The following PCDHA1 variants were observed in gnomAD, a reference collection of about 807,000 sequenced individuals.
PCDHA1 encodes the protein protocadherin alpha-1.
PCDHA1 carries 42 observed loss-of-function variants against 61.3 expected under a neutral mutation model. The observed-to-expected ratio is 0.69, with a 90% CI of 0.54 to 0.89. PCDHA1 has a LOEUF of 0.89. Ranked by LOEUF, PCDHA1 falls within the 40% of genes least tolerant of loss-of-function variation. The probability of loss-of-function intolerance (pLI) is 0.00; values close to 1 mark genes in which losing one functional copy is unlikely to be tolerated. For missense variants in PCDHA1, 1,256 were observed against 1,235.3 expected (o/e 1.02, Z -0.25); for synonymous variants, 610 against 553.8 (o/e 1.10, Z -1.43).
At chr5:140,833,827 G>C (rs2150211606) in intron 1 of PCDHA1, among the ~76,000 whole-genome samples, 3 of 152,222 alleles carry the variant, frequency 2.0e-5, no homozygotes, top group African/African-American at 7.2e-5. Flanking sequence ...GTCCCTAAAA[G>C]AGTACAGGAT....
At chr5:140,890,890 T>C (rs2062844225) in intron 1 of PCDHA1, among the ~76,000 whole-genome samples, 1 of 152,192 alleles carries the variant, frequency 6.6e-6, no homozygotes, top group South Asian at 2.1e-4. Context: ...TCAGGGATTA[T>C]TGTCTTTCCA....
rs149795080 is a variant in PCDHA1 at position 140,995,000 on chromosome 5, T to C, written c.2542+12437T>C. Among the ~76,000 whole-genome samples the C allele has an allele frequency of 1.7e-3, 261 of 152,326 alleles. 1 individual carries two copies. The highest frequency in any genetic ancestry group is 6.1e-3 in the African/African-American group (253 of 41,578). ...GAGACCCACTAGAAGGTTAGTTGGTTTGTTTATATTTAGGAAAGAAGATTC... is the reference window on the plus strand; with the variant it reads ...GAGACCCACTAGAAGGTTAGTTGGTCTGTTTATATTTAGGAAAGAAGATTC... On this transcript the variant is annotated intron_variant, in intron 3 of 3. Transcript: ENST00000504120.
intron 1 of PCDHA1, among the ~76,000 whole-genome samples, chr5:140,905,945 T>C (rs2072222090): frequency 6.6e-6 from 1 of 152,150 alleles, no homozygotes; most frequent in Non-Finnish European, 1.5e-5. Flanking sequence ...GAACTTGGAA[T>C]CCGATGTTCA....
chr5:140,978,978 C>T lies in PCDHA1; in HGVS notation c.2424C>T (p.Tyr808=). Residue 808 remains tyrosine (Y), a synonymous_variant, in exon 2 of 4, where the codon TAC becomes TAT. Coordinates refer to ENST00000504120, the MANE Select transcript of PCDHA1 (RefSeq NM_018900.4). ...NPRQPNPDWR[Y]SASLRAGMHS... ...GACAGCCCAACCCTGACTGGCGTTA[C>T]TCTGCCTCCCTGAGAGCAGGCATGC... 1 of 1,614,204 alleles carries T rather than the reference C, an allele frequency of 6.2e-7. No homozygotes were observed. The highest frequency in any genetic ancestry group is 8.5e-7 in the Non-Finnish European group (1 of 1,180,030).
intron 1 of PCDHA1, among the ~76,000 whole-genome samples, chr5:140,922,237 G>A (rs2080732766): frequency 6.6e-6 from 1 of 152,156 alleles, no homozygotes; most frequent in Non-Finnish European, 1.5e-5. Flanking sequence ...ACCATGATGT[G>A]TATGAAGATA....
At chr5:140,883,398 G>A (rs1421475221) in intron 1 of PCDHA1, 1 of 1,614,166 alleles carries the variant, frequency 6.2e-7, no homozygotes, top group Non-Finnish European at 8.5e-7. Flanking sequence ...GTGTCCGATC[G>A]TGACTCTGGC....
intron 1 of PCDHA1, chr5:140,836,388 CTGG>C (rs2150259594): frequency 6.8e-6 from 11 of 1,613,628 alleles, no homozygotes; most frequent in Non-Finnish European, 9.3e-6. Context: ...GCTGGTGTCG[CTGG>C]TGGAAAGCGG....
chr5:140,873,888 T>C (rs1225763068), intron 1 of PCDHA1, among the ~76,000 whole-genome samples: 2 of 152,232 alleles, frequency 1.3e-5, no homozygotes, highest in African/African-American at 4.8e-5. Flanking sequence ...CTTGAACTCC[T>C]GACCTCAGGT....
intron 3 of PCDHA1, among the ~76,000 whole-genome samples, chr5:140,994,912 A>G (rs2097655532): frequency 6.6e-6 from 1 of 152,222 alleles, no homozygotes; most frequent in Admixed American, 6.5e-5. Flanking sequence ...GTAGACTGGA[A>G]TCAGATTTTG....
chr5:140,887,291 T>G (rs2153419358), intron 1 of PCDHA1, among the ~76,000 whole-genome samples: 1 of 152,074 alleles, frequency 6.6e-6, no homozygotes, highest in South Asian at 2.1e-4. Flanking sequence ...AGAGATGGGG[T>G]TTCATCTTGT....
At chr5:140,829,528 G>T (rs1554132046) in intron 1 of PCDHA1, 12 of 1,613,294 alleles carry the variant, frequency 7.4e-6, no homozygotes, top group Non-Finnish European at 1.0e-5. Flanking sequence ...CGGTGTCTGC[G>T]CGAGACGCGG....
chr5:140,867,042 G>T lies in PCDHA1; in HGVS notation c.2394+78358G>T, dbSNP rs782113838. Reference sequence around the variant, plus strand: ...ATATCAAACTCTTTTATGACTTGGCGTTTGTTCAGTACTACTTTATATATT... The same window carrying T: ...ATATCAAACTCTTTTATGACTTGGCTTTTGTTCAGTACTACTTTATATATT... On this transcript the variant is annotated intron_variant, in intron 1 of 3. Transcript: ENST00000504120. The T allele has an allele frequency of 4.6e-5, 7 of 152,202 alleles. 1 individual carries two copies. Among genetic ancestry groups the T allele is most frequent in the African/African-American group, 1.7e-4 (7 of 41,564 alleles). 9.4% of individuals were successfully genotyped at this position (152,202 alleles called of 1,614,324 possible). A position where few individuals can be genotyped will look rare whatever the true frequency, so the allele number is the denominator to read the frequency against.
At chr5:140,868,231 T>C in intron 1 of PCDHA1, 1 of 152,170 alleles carries the variant, frequency 6.6e-6, no homozygotes, top group East Asian at 1.9e-4. Flanking sequence ...TAAAAACTCA[T>C]CTAGATCAAT....
intron 1 of PCDHA1, chr5:140,830,286 G>C (rs1434180043): frequency 6.2e-7 from 1 of 1,613,738 alleles, no homozygotes; most frequent in Non-Finnish European, 8.5e-7. Flanking sequence ...GAGGGCGCGT[G>C]CACGGCGGAC....
chr5:140,968,208 AC>A, intron 1 of PCDHA1: 1 of 1,614,022 alleles, frequency 6.2e-7, no homozygotes, highest in Non-Finnish European at 8.5e-7. Context: ...ATACAGGAGA[AC>A]AATTTGCCAG....
At chr5:140,854,870 CTG>C (rs2043251909) in intron 1 of PCDHA1, among the ~76,000 whole-genome samples, 1 of 149,668 alleles carries the variant, frequency 6.7e-6, no homozygotes, top group African/African-American at 2.4e-5. Flanking sequence ...TATTTCAGAA[CTG>C]TGTCTTTTGG....
At position 140,841,567 on chromosome 5, in the gene PCDHA1, C is replaced by T. The variant is rs2150318381; in HGVS notation, c.2394+52883C>T. On this transcript the variant is annotated intron_variant, in intron 1 of 3. Transcript: ENST00000504120. ...TTCTGGAGGTAAGTCTGCAGAATGG[C>T]ATTTTGTTTGTGAATTCTCGGATCG... The T allele has an allele frequency of 5.6e-6, 9 of 1,613,816 alleles. No homozygotes were observed. The East Asian group carries it at 6.7e-5, about 12-fold the overall frequency.
In PCDHA1 at chr5:140,853,642, T is replaced by C. The variant is rs112112795; in HGVS notation, c.2394+64958T>C. 87 of 988,768 alleles carry C rather than the reference T, an allele frequency of 8.8e-5. 2 individuals carry two copies. Among genetic ancestry groups the C allele is most frequent in the Middle Eastern group, 1.1e-3 (2 of 1,882 alleles). 61.2% of individuals were successfully genotyped at this position (988,768 alleles called of 1,614,324 possible). A position where few individuals can be genotyped will look rare whatever the true frequency, so the allele number is the denominator to read the frequency against. ...AAGTATACAAGATCACAGACCTAAA[T>C]TGAGCCTGTTCCAGACAAATTGGGG... On this transcript the variant is annotated intron_variant, in intron 1 of 3. Coordinates refer to ENST00000504120, the MANE Select transcript of PCDHA1 (RefSeq NM_018900.4).
At position 140,786,989 on chromosome 5, in the gene PCDHA1, C is replaced by G; in HGVS notation, c.699C>G (p.Leu233=). 2 of 1,614,070 alleles carry G rather than the reference C, an allele frequency of 1.2e-6. No homozygotes were observed. Among genetic ancestry groups the G allele is most frequent in the Non-Finnish European group, 1.7e-6 (2 of 1,180,002 alleles). The change falls in exon 1 of 4, where the codon CTC becomes CTG. Residue 233 remains leucine, a synonymous_variant. Transcript: ENST00000504120. ...CAGTTGAGCTGCTGATCACCGTCCT[C>G]GACGTTAATGATAACGCCCCACTGT... is the stretch of plus-strand genomic sequence containing the variant. ...QGTVELLITV[L]DVNDNAPLFD...
Sources: gnomAD v4.1 joint callset for allele counts (sites outside exome capture counted in the v4.1 genomes callset) on GRCh38, gnomAD v4.1.1 for gene constraint, MANE v1.5 for transcripts, NCBI Gene and HGNC (gene_info 2026-07-23, HGNC 2026-07-21) for gene names.